The following AGAP1 variants were observed in gnomAD, a reference collection of about 807,000 sequenced individuals.
AGAP1 encodes the protein ArfGAP with GTPase domain, ankyrin repeat and PH domain 1.
In AGAP1, 29 loss-of-function variants were observed where a neutral mutation model predicts 105.3. The ratio of observed to expected loss-of-function variants is 0.28; its 90% confidence interval spans 0.21 to 0.38. The LOEUF is 0.38. AGAP1 is among the 10% of genes least tolerant of loss of function. AGAP1 has a pLI of 1.00. For synonymous variants in AGAP1, 509 were observed against 485.9 expected (o/e 1.05, Z -0.63); for missense variants, 998 against 1,165.1 (o/e 0.86, Z 2.09).
At chr2:235,819,606 C>T (rs997876323) in intron 9 of AGAP1, among the ~76,000 whole-genome samples, 3 of 152,108 alleles carry the variant, frequency 2.0e-5, no homozygotes, top group East Asian at 1.9e-4. Context: ...CCGTGAGGCC[C>T]GTGTCAGATG....
chr2:235,661,631 C>G (rs1051943730), intron 1 of AGAP1, among the ~76,000 whole-genome samples: 5 of 152,152 alleles, frequency 3.3e-5, no homozygotes, highest in African/African-American at 4.8e-5. Flanking sequence ...TCGTGCTAGC[C>G]TGAATCTCCG....
chr2:235,777,507 G>A lies in AGAP1; in HGVS notation c.674-20252G>A, dbSNP rs532678037. On this transcript the variant is annotated intron_variant, in intron 6 of 17. Transcript: ENST00000304032. This position sits in a 1 kb window ranked among gnomAD's most constrained non-coding sequence, Gnocchi z 5.1. Reference sequence around the variant, plus strand: ...GCAGGCAGCCTTGCGTCTGCCTCTGGGAGCAGAAACCGTTGTTTCACCAGC... The same window carrying A: ...GCAGGCAGCCTTGCGTCTGCCTCTGAGAGCAGAAACCGTTGTTTCACCAGC... Among the ~76,000 whole-genome samples the A allele has an allele frequency of 2.0e-5, 3 of 152,216 alleles. No individual in the cohort carries two copies. Among genetic ancestry groups the A allele is most frequent in the Admixed American group, 6.5e-5 (1 of 15,282 alleles).
chr2:235,854,228 C>A (rs530673032), intron 9 of AGAP1, among the ~76,000 whole-genome samples: 8 of 152,296 alleles, frequency 5.3e-5, no homozygotes, highest in Non-Finnish European at 1.0e-4. Context: ...GTTGACAACT[C>A]CTGTCACAGC....
intron 9 of AGAP1, among the ~76,000 whole-genome samples, chr2:235,854,144 C>G (rs1461567020): frequency 6.6e-6 from 1 of 152,170 alleles, no homozygotes; most frequent in East Asian, 1.9e-4. Flanking sequence ...GGCACTCCCC[C>G]TCAGCCTCCC....
At position 235,789,934 on chromosome 2, in the gene AGAP1, C is replaced by G. The variant is rs1156754436; in HGVS notation, c.674-7825C>G. ...GTTTAGTTGCAGGATGTCTTACCTTCCTTGTTAGTATTTGTTCTGATTGGA... is the reference window on the plus strand; with the variant it reads ...GTTTAGTTGCAGGATGTCTTACCTTGCTTGTTAGTATTTGTTCTGATTGGA... On this transcript the variant is annotated intron_variant, in intron 6 of 17. Coordinates refer to ENST00000304032, the MANE Select transcript of AGAP1 (RefSeq NM_001037131.3). The surrounding 1 kb of genome is among the most constrained non-coding windows in gnomAD (Gnocchi z 4.2). Among the ~76,000 whole-genome samples, 1 of 152,128 alleles carries G rather than the reference C, an allele frequency of 6.6e-6. No individual in the cohort carries two copies. The highest frequency in any genetic ancestry group is 2.4e-5 in the African/African-American group (1 of 41,410).
At chr2:235,952,270 G>C (rs2053769792) in intron 12 of AGAP1, among the ~76,000 whole-genome samples, 1 of 83,836 alleles carries the variant, frequency 1.2e-5, no homozygotes, top group South Asian at 6.9e-4. Flanking sequence ...TTAGTCATTT[G>C]CAGTGGCCCA....
Position 236,092,066 on chromosome 2 carries a change from T to C in AGAP1, c.2115-28126T>C, listed in dbSNP as rs1274208971. On this transcript the variant is annotated intron_variant, in intron 16 of 17. Transcript: ENST00000304032. The surrounding 1 kb of genome is among the most constrained non-coding windows in gnomAD (Gnocchi z 4.7). ...TTCCATTTATGTATCACTGTTGATATTACAGAATTACGGAGCTAGAGAACA... is the reference window on the plus strand; with the variant it reads ...TTCCATTTATGTATCACTGTTGATACTACAGAATTACGGAGCTAGAGAACA... Among the ~76,000 whole-genome samples the C allele has an allele frequency of 6.6e-6, 1 of 152,212 alleles. No individual in the cohort carries two copies. Among genetic ancestry groups the C allele is most frequent in the African/African-American group, 2.4e-5 (1 of 41,462 alleles).
In AGAP1 at chr2:236,090,759, G is replaced by C. The variant is rs910510351; in HGVS notation, c.2115-29433G>C. On this transcript the variant is annotated intron_variant, in intron 16 of 17. Transcript: ENST00000304032. This position sits in a 1 kb window ranked among gnomAD's most constrained non-coding sequence, Gnocchi z 4.3. ...TTTTTGTTTTGTTTTGTTTTTTTGA[G>C]ACAGAGTTTGGTTCTTGTTGCCCAG... 3.3e-5 allele frequency among the ~76,000 whole-genome samples: 5 copies of C among 152,064 alleles called. No homozygotes were observed. Among genetic ancestry groups the C allele is most frequent in the Non-Finnish European group, 5.9e-5 (4 of 68,006 alleles).
chr2:236,016,013 C>T (rs2056689295), intron 13 of AGAP1, among the ~76,000 whole-genome samples: 1 of 148,206 alleles, frequency 6.7e-6, no homozygotes, highest in African/African-American at 2.5e-5. Flanking sequence ...TGTCTTGCCG[C>T]TGAACGCCCT....
intron 16 of AGAP1, among the ~76,000 whole-genome samples, chr2:236,075,184 G>A (rs2058603755): frequency 6.6e-6 from 1 of 152,130 alleles, no homozygotes; most frequent in Non-Finnish European, 1.5e-5. Context: ...ATTTCAGGTG[G>A]GCATGAGGAA....
rs980152307 is a variant in AGAP1 at position 235,689,039 on chromosome 2, C to T, written c.164-20140C>T. On this transcript the variant is annotated intron_variant, in intron 1 of 17. Transcript: ENST00000304032. The surrounding 1 kb of genome is among the most constrained non-coding windows in gnomAD (Gnocchi z 4.2). ...AACCCTGTGCGGTAGATTATTGTCC[C>T]ATAAATCTATAAGATTGATTGATTG... Among the ~76,000 whole-genome samples, 11 of 144,194 alleles carry T rather than the reference C, an allele frequency of 7.6e-5. No homozygotes were observed. Among genetic ancestry groups the T allele is most frequent in the Non-Finnish European group, 1.6e-4 (11 of 67,022 alleles). The allele number at this position is 144,194 out of a possible 152,430, so 94.6% of individuals were successfully genotyped here. A position where few individuals can be genotyped will look rare whatever the true frequency, so the allele number is the denominator to read the frequency against.
At chr2:236,032,663 A>G (rs1455977429) in intron 13 of AGAP1, among the ~76,000 whole-genome samples, 1 of 152,122 alleles carries the variant, frequency 6.6e-6, no homozygotes, top group Non-Finnish European at 1.5e-5. Flanking sequence ...TGAGTGAAGG[A>G]TGAAGAAAAG....
chr2:235,572,672 C>T (rs901810024), intron 1 of AGAP1, among the ~76,000 whole-genome samples: 5 of 152,242 alleles, frequency 3.3e-5, no homozygotes, highest in African/African-American at 1.2e-4. Context: ...CCAACTTCCC[C>T]ATCACCTTGG....
Position 236,131,222 on chromosome 2 carries a change from C to A in AGAP1, c.*7100C>A, listed in dbSNP as rs2060078182. 1 of 152,212 alleles carries A rather than the reference C, an allele frequency of 6.6e-6. No homozygotes were observed. The allele number at this position is 152,212 out of a possible 1,614,324, so 9.4% of individuals were successfully genotyped here. ...TGGGGAGGCCCTTATTGAGCTCAGC[C>A]TGGAGAGGGGAGGGTCGCACGGGTC... On this transcript the variant is annotated 3_prime_UTR_variant, in exon 18 of 18. Transcript: ENST00000304032. This position sits in a 1 kb window ranked among gnomAD's most constrained non-coding sequence, Gnocchi z 5.9.
At chr2:235,638,024 T>C (rs187588826) in intron 1 of AGAP1, among the ~76,000 whole-genome samples, 1 of 152,292 alleles carries the variant, frequency 6.6e-6, no homozygotes. Flanking sequence ...CGAGCTGTTA[T>C]CTCTTCCAGG....
intron 11 of AGAP1, among the ~76,000 whole-genome samples, chr2:235,923,768 T>C (rs917806580): frequency 1.3e-5 from 2 of 152,232 alleles, no homozygotes; most frequent in Non-Finnish European, 2.9e-5. Context: ...GGGGCTGTTA[T>C]GAGCAGTGCT....
chr2:235,931,990 G>C lies in AGAP1; in HGVS notation c.1483+1067G>C, dbSNP rs2052745306. Among the ~76,000 whole-genome samples the C allele has an allele frequency of 6.6e-6, 1 of 152,184 alleles. No individual in the cohort carries two copies. The highest frequency in any genetic ancestry group is 1.5e-5 in the Non-Finnish European group (1 of 68,040). On this transcript the variant is annotated intron_variant, in intron 12 of 17. Transcript: ENST00000304032. This position sits in a 1 kb window ranked among gnomAD's most constrained non-coding sequence, Gnocchi z 5.6. ...CTTGCTCCTTCCCTCAAAAGAAGGTGCTTTGTTAGATAGCAAAGATCTGCC... is the reference window on the plus strand; with the variant it reads ...CTTGCTCCTTCCCTCAAAAGAAGGTCCTTTGTTAGATAGCAAAGATCTGCC...
intron 9 of AGAP1, among the ~76,000 whole-genome samples, chr2:235,835,563 G>A (rs1034074822): frequency 2.0e-5 from 3 of 152,184 alleles, no homozygotes; most frequent in Non-Finnish European, 4.4e-5. Flanking sequence ...TTAGCACTTT[G>A]TCCATTACTT....
At chr2:236,067,903 G>A (rs1297516451) in intron 16 of AGAP1, among the ~76,000 whole-genome samples, 2 of 152,046 alleles carry the variant, frequency 1.3e-5, no homozygotes, top group South Asian at 2.1e-4. Flanking sequence ...TCAGCCATCC[G>A]TCCTGTGCTA....
Sources: allele counts gnomAD v4.1 joint callset (sites outside exome capture counted in the v4.1 genomes callset), GRCh38; gene constraint gnomAD v4.1.1; non-coding constraint Gnocchi (gnomAD v3.1); transcripts MANE v1.5; gene names NCBI Gene and HGNC (gene_info 2026-07-23, HGNC 2026-07-21).